SLC6A3: variants seen among roughly 807,000 people sequenced by gnomAD.
SLC6A3 encodes the protein sodium-dependent dopamine transporter.
In SLC6A3, 19 loss-of-function variants were observed where a neutral mutation model predicts 70.4. The ratio of observed to expected loss-of-function variants is 0.27; its 90% confidence interval spans 0.19 to 0.40. SLC6A3 has a LOEUF of 0.40. SLC6A3 is among the 10% of genes least tolerant of loss of function. The pLI is 1.00. For synonymous variants in SLC6A3, 368 were observed against 356.6 expected (o/e 1.03, Z -0.36); for missense variants, 613 against 838.5 (o/e 0.73, Z 3.32).
chr5:1,397,585 A>T lies in SLC6A3; in HGVS notation c.1840-2827T>A, dbSNP rs1237454609. 6.6e-6 allele frequency among the ~76,000 whole-genome samples: 1 copy of T among 152,228 alleles called. No individual in the cohort carries two copies. The highest frequency in any genetic ancestry group is 1.5e-5 in the Non-Finnish European group (1 of 68,046). On this transcript the variant is annotated intron_variant, in intron 14 of 14. Coordinates refer to ENST00000270349, the MANE Select transcript of SLC6A3 (RefSeq NM_001044.5). The surrounding 1 kb of genome is among the most constrained non-coding windows in gnomAD (Gnocchi z 4.7). The stretch of plus-strand genomic sequence containing the variant: ...AGCAGGCTCACAGGCCACACATCTC[A>T]GCACAGCCACGGAACACTGCTGCCT...
In SLC6A3 at chr5:1,442,610, G is replaced by A. The variant is rs967281585; in HGVS notation, c.286+302C>T. ...GAATTTTCTTTCCAAAGCGAAGATAGCCTCTGGAAACAGGAGGCAGAGCCA... is the reference window on the plus strand; with the variant it reads ...GAATTTTCTTTCCAAAGCGAAGATAACCTCTGGAAACAGGAGGCAGAGCCA... On this transcript the variant is annotated intron_variant, in intron 2 of 14. Coordinates refer to ENST00000270349, the MANE Select transcript of SLC6A3 (RefSeq NM_001044.5). The surrounding 1 kb of genome is among the most constrained non-coding windows in gnomAD (Gnocchi z 5.0). 6.6e-6 allele frequency among the ~76,000 whole-genome samples: 1 copy of A among 152,130 alleles called. No individual in the cohort carries two copies. The highest frequency in any genetic ancestry group is 1.5e-5 in the Non-Finnish European group (1 of 68,022).
intron 7 of SLC6A3, among the ~76,000 whole-genome samples, chr5:1,415,345 G>T (rs1756262525): frequency 1.3e-5 from 2 of 152,128 alleles, no homozygotes; most frequent in African/African-American, 4.8e-5. Flanking sequence ...CCTCCTCCTG[G>T]GTTCCTGTGT....
At chr5:1,403,458 C>T (rs966774207) in intron 12 of SLC6A3, among the ~76,000 whole-genome samples, 1 of 147,416 alleles carries the variant, frequency 6.8e-6, no homozygotes, top group African/African-American at 2.5e-5. Context: ...CCCTCTCCAC[C>T]CCTCCCCTCC....
At position 1,414,761 on chromosome 5, in the gene SLC6A3, G is replaced by T. The variant is rs28363072; in HGVS notation, c.1086C>A (p.Phe362Leu). The change falls in exon 8 of 15, where the codon TTC becomes TTA. Residue 362 changes from phenylalanine to leucine, a missense_variant. Coordinates refer to ENST00000270349, the MANE Select transcript of SLC6A3 (RefSeq NM_001044.5). ...INSLTSFSSG[F>L]VVFSFLGYMA... is the part of the protein sequence containing the mutation. The stretch of plus-strand genomic sequence containing the variant: ...TGTACCCCAGGAAGGAGAAGACGAC[G>T]AAGCCGGAGGAGAAGCTCGTCAGGG... The T allele has an allele frequency of 6.2e-7, 1 of 1,612,802 alleles. No individual in the cohort carries two copies. The highest frequency in any genetic ancestry group is 1.3e-5 in the African/African-American group (1 of 74,878).
rs935602127 is a variant in SLC6A3 at position 1,436,726 on chromosome 5, C to T, written c.419-4028G>A. On this transcript the variant is annotated intron_variant, in intron 3 of 14. Coordinates refer to ENST00000270349, the MANE Select transcript of SLC6A3 (RefSeq NM_001044.5). The surrounding 1 kb of genome is among the most constrained non-coding windows in gnomAD (Gnocchi z 5.2). ...ATGGGGTTGCCCTTGGCAATGAAAC[C>T]GAAACCTGACAAACAGAAGCTGGCT... is the stretch of plus-strand genomic sequence containing the variant. Among the ~76,000 whole-genome samples the T allele has an allele frequency of 2.0e-5, 3 of 152,130 alleles. No homozygotes were observed. The highest frequency in any genetic ancestry group is 2.1e-4 in the South Asian group (1 of 4,830).
At chr5:1,429,083 C>T (rs1756637755) in intron 4 of SLC6A3, among the ~76,000 whole-genome samples, 1 of 152,202 alleles carries the variant, frequency 6.6e-6, no homozygotes, top group African/African-American at 2.4e-5. Context: ...ACATCCACTC[C>T]CTGATTACAT....
In SLC6A3 at chr5:1,404,513, T is replaced by TAA. The variant is rs1372646975; in HGVS notation, c.1600-1426_1600-1425dup. On this transcript the variant is annotated intron_variant, in intron 12 of 14. Coordinates refer to ENST00000270349, the MANE Select transcript of SLC6A3 (RefSeq NM_001044.5). This position sits in a 1 kb window ranked among gnomAD's most constrained non-coding sequence, Gnocchi z 5.2. ...CTCCCCAGGCCACAGTCTGCCCATG[T>TAA]AAGTTGCCTTTGCTCCGGCATAATT... 6.6e-6 allele frequency among the ~76,000 whole-genome samples: 1 copy of TAA among 152,268 alleles called. No individual in the cohort carries two copies. The highest frequency in any genetic ancestry group is 1.5e-5 in the Non-Finnish European group (1 of 68,046).
At position 1,414,636 on chromosome 5, in the gene SLC6A3, G is replaced by C. The variant is rs28363074; in HGVS notation, c.1156+55C>G. On this transcript the variant is annotated intron_variant, in intron 8 of 14. Coordinates refer to ENST00000270349, the MANE Select transcript of SLC6A3 (RefSeq NM_001044.5). Reference sequence around the variant, plus strand: ...TTCACAAGGAAAAAGGCTTTGCTGAGAGCTCGGCGCTGGTGCTACACGGAG... The same window carrying C: ...TTCACAAGGAAAAAGGCTTTGCTGACAGCTCGGCGCTGGTGCTACACGGAG... The C allele has an allele frequency of 4.4e-3, 7,073 of 1,600,590 alleles. 275 individuals carry two copies. The African/African-American group carries it at 0.081, about 18-fold the overall frequency.
At chr5:1,412,745 A>T (rs1404415207) in intron 8 of SLC6A3, among the ~76,000 whole-genome samples, 1 of 152,226 alleles carries the variant, frequency 6.6e-6, no homozygotes, top group Non-Finnish European at 1.5e-5. Flanking sequence ...GTCTGGCCCT[A>T]GCCTGCAGGA....
Position 1,416,197 on chromosome 5 carries a change from C to T in SLC6A3, c.932G>A (p.Trp311Ter), listed in dbSNP as rs1560914349. 6.2e-7 allele frequency: 1 copy of T among 1,612,868 alleles called. No homozygotes were observed. Among genetic ancestry groups the T allele is most frequent in the Non-Finnish European group, 8.5e-7 (1 of 1,179,708 alleles). ...DFYRLCEASV[W>*]IDAATQVCFS... ...GCACACCTGGGTGGCCGCGTCAATCCAAACCTGCAGAGCCAGAGGGCGGTG... is the reference window on the plus strand; with the variant it reads ...GCACACCTGGGTGGCCGCGTCAATCTAAACCTGCAGAGCCAGAGGGCGGTG... Residue 311 changes from tryptophan to a stop codon, truncating the protein, a stop_gained, in exon 7 of 15, where the codon TGG (tryptophan) becomes TAG (stop). Transcript: ENST00000270349. LOFTEE classifies it high-confidence loss of function.
At chr5:1,444,613 G>T (rs985434540) in intron 1 of SLC6A3, among the ~76,000 whole-genome samples, 1 of 152,206 alleles carries the variant, frequency 6.6e-6, no homozygotes, top group Non-Finnish European at 1.5e-5. Context: ...CGACCCCTCC[G>T]GTGGGTAAAA....
chr5:1,439,451 G>A (rs1021698563), intron 3 of SLC6A3, among the ~76,000 whole-genome samples: 3 of 152,192 alleles, frequency 2.0e-5, no homozygotes, highest in Non-Finnish European at 4.4e-5. Flanking sequence ...CATTAAGAAC[G>A]AATGAGTCTC....
At chr5:1,417,810 G>A (rs1756343077) in intron 6 of SLC6A3, among the ~76,000 whole-genome samples, 1 of 152,216 alleles carries the variant, frequency 6.6e-6, no homozygotes, top group Admixed American at 6.5e-5. Flanking sequence ...CTGTGGGCCA[G>A]GATGCTGAGG....
Position 1,397,527 on chromosome 5 carries a change from C to T in SLC6A3, c.1840-2769G>A, listed in dbSNP as rs1437785925. 2.0e-5 allele frequency among the ~76,000 whole-genome samples: 3 copies of T among 152,152 alleles called. No homozygotes were observed. Among genetic ancestry groups the T allele is most frequent in the South Asian group, 2.1e-4 (1 of 4,828 alleles). ...ACACCGAAAGCAGAAGAAACTCGGC[C>T]GAGTGCAGGGGTGAGGACAGAGCCC... On this transcript the variant is annotated intron_variant, in intron 14 of 14. Transcript: ENST00000270349. The surrounding 1 kb of genome is among the most constrained non-coding windows in gnomAD (Gnocchi z 4.7).
intron 14 of SLC6A3, among the ~76,000 whole-genome samples, chr5:1,398,239 T>A (rs372138516): frequency 2.7e-4 from 41 of 151,552 alleles, no homozygotes; most frequent in East Asian, 9.7e-4. Context: ...TGGGCACCTG[T>A]AATCCCAGCC....
chr5:1,399,012 T>C (rs190991725), intron 14 of SLC6A3, among the ~76,000 whole-genome samples: 71 of 152,334 alleles, frequency 4.7e-4, no homozygotes, highest in African/African-American at 1.6e-3. Context: ...GAAGCAGAAC[T>C]GTGTATTGAC....
chr5:1,430,450 C>A (rs75701356), intron 4 of SLC6A3, among the ~76,000 whole-genome samples: 1 of 152,324 alleles, frequency 6.6e-6, no homozygotes, highest in African/African-American at 2.4e-5. Context: ...ATTCTAGAAC[C>A]AAGCACTTGG....
At position 1,409,916 on chromosome 5, in the gene SLC6A3, C is replaced by G. The variant is rs1377107357; in HGVS notation, c.1270-67G>C. The G allele has an allele frequency of 1.1e-5, 17 of 1,600,616 alleles. 1 individual carries two copies. The highest frequency in any genetic ancestry group is 4.4e-5 in the South Asian group (4 of 90,946). Reference sequence around the variant, plus strand: ...TCCTGACCGCAGCCTGGGCCAAGACCTACTTGTCACCCAGTGGACGCACAC... The same window carrying G: ...TCCTGACCGCAGCCTGGGCCAAGACGTACTTGTCACCCAGTGGACGCACAC... On this transcript the variant is annotated intron_variant, in intron 9 of 14. Coordinates refer to ENST00000270349, the MANE Select transcript of SLC6A3 (RefSeq NM_001044.5).
rs1755835703 is a variant in SLC6A3, at chr5:1,400,965, G to A, written c.1789C>T (p.Pro597Ser). The A allele has an allele frequency of 4.4e-6, 7 of 1,597,126 alleles. No homozygotes were observed. In the East Asian group the frequency reaches 9.0e-5, roughly 21 times the overall value. The change falls in exon 14 of 15, where the codon CCC becomes TCC. Residue 597 changes from proline to serine, a missense_variant. Pro to Ser is a moderately conservative substitution (Grantham distance 74, BLOSUM62 -1). This residue lies in a region of SLC6A3 where 348 missense variants were observed against 481.2 expected (regional missense o/e 0.72). Coordinates refer to ENST00000270349, the MANE Select transcript of SLC6A3 (RefSeq NM_001044.5). ...FREKLAYAIA[P>S]EKDRELVDRG... ...TCCACCAGCTCACGGTCCTTCTCGG[G>A]TGCAATGGCGTAGGCCAGTTTCTGA...
Sources: gnomAD v4.1 joint callset for allele counts (sites outside exome capture counted in the v4.1 genomes callset) on GRCh38, gnomAD v4.1.1 for gene constraint, gnomAD v4.1.1 regional missense constraint, Gnocchi (gnomAD v3.1) non-coding constraint, MANE v1.5 for transcripts, NCBI Gene and HGNC (gene_info 2026-07-23, HGNC 2026-07-21) for gene names.